Variants in PTPN4 observed in about 807,000 individuals in gnomAD.
PTPN4 encodes protein tyrosine phosphatase non-receptor type 4.
Under a neutral mutation model 135.5 loss-of-function variants are expected in PTPN4, and 49 were observed. That is an observed-to-expected ratio of 0.36 (90% confidence interval 0.29 to 0.46). The LOEUF (loss-of-function observed/expected upper bound fraction) is 0.46. Ranked by LOEUF, PTPN4 falls within the 20% of genes least tolerant of loss-of-function variation. PTPN4 has a pLI of 1.00. For missense variants in PTPN4, 860 were observed against 1,101.0 expected, an observed-to-expected ratio of 0.78 and a Z score of 3.10; for synonymous variants, 333 against 369.9, an observed-to-expected ratio of 0.90 and a Z score of 1.14.
At chr2:119,925,161 C>CTTGGGATGATAAAT (rs1678802929) in intron 12 of PTPN4, among the ~76,000 whole-genome samples, 2 of 152,164 alleles carry the variant, frequency 1.3e-5, no homozygotes, top group African/African-American at 4.8e-5. Context: ...ACAGGATGCT[C>CTTGGGATGATAAAT]TTTCTCACTA....
intron 12 of PTPN4, among the ~76,000 whole-genome samples, chr2:119,921,049 G>A (rs887096935): frequency 6.6e-6 from 1 of 152,142 alleles, no homozygotes; most frequent in Non-Finnish European, 1.5e-5. Context: ...GGGAGGCCGA[G>A]GCAGGCGGAT....
intron 1 of PTPN4, among the ~76,000 whole-genome samples, chr2:119,764,560 G>A (rs1236152106): frequency 6.6e-6 from 1 of 151,814 alleles, no homozygotes; most frequent in Non-Finnish European, 1.5e-5. Context: ...CACTCACAAG[G>A]ATCAGTTAAT....
At chr2:119,841,003 A>G (rs901425173) in intron 2 of PTPN4, among the ~76,000 whole-genome samples, 3 of 152,040 alleles carry the variant, frequency 2.0e-5, no homozygotes, top group Non-Finnish European at 2.9e-5. Context: ...AGATTGCAGA[A>G]ATATTCTCCC....
intron 16 of PTPN4, among the ~76,000 whole-genome samples, chr2:119,945,984 T>A (rs1679127577): frequency 6.6e-6 from 1 of 152,124 alleles, no homozygotes; most frequent in Non-Finnish European, 1.5e-5. Flanking sequence ...GAAGTATCAT[T>A]TGAATTCATG....
rs534332416 is a variant in PTPN4, at chr2:119,861,223, G to A, written c.139-1313G>A. 3.3e-5 allele frequency among the ~76,000 whole-genome samples: 5 copies of A among 152,126 alleles called. No individual in the cohort carries two copies. In the East Asian group the frequency reaches 9.7e-4, roughly 29 times the overall value. ...CTCACTTTATACCAACCCATTTGTG[G>A]TAATTAATCTAGTACTGTGATAGTG... On this transcript the variant is annotated intron_variant, in intron 2 of 26. Coordinates refer to ENST00000263708, the MANE Select transcript of PTPN4 (RefSeq NM_002830.4).
chr2:119,824,494 C>T lies in PTPN4; in HGVS notation c.138+14503C>T, dbSNP rs969873039. ...GTGTTTTTATATCTTTGCTGCTTTT[C>T]TTTTAACTTTGTTCTATCAATTATC... On this transcript the variant is annotated intron_variant, in intron 2 of 26. Transcript: ENST00000263708. Among the ~76,000 whole-genome samples the T allele has an allele frequency of 1.2e-4, 19 of 152,136 alleles. 1 individual carries two copies. Among genetic ancestry groups the T allele is most frequent in the Non-Finnish European group, 2.9e-5 (2 of 68,018 alleles).
At chr2:119,828,283 CTG>C (rs1433967794) in intron 2 of PTPN4, among the ~76,000 whole-genome samples, 3 of 152,264 alleles carry the variant, frequency 2.0e-5, no homozygotes, top group Non-Finnish European at 2.9e-5. Flanking sequence ...TGCTGTCTAA[CTG>C]TAGCCACAAG....
At position 119,764,269 on chromosome 2, in the gene PTPN4, T is replaced by C. The variant is rs189742942; in HGVS notation, c.-18+3885T>C. On this transcript the variant is annotated intron_variant, in intron 1 of 26. Transcript: ENST00000263708. ...TTTATGATGGAACAAAGTTTGAATC[T>C]TTAAAGGCCATATTTTAACATGCCA... Among the ~76,000 whole-genome samples, 253 of 152,354 alleles carry C rather than the reference T, an allele frequency of 1.7e-3. 7 individuals are homozygous for C. In the Middle Eastern group the frequency reaches 0.017, roughly 10 times the overall value.
chr2:119,829,834 G>A (rs1677194758), intron 2 of PTPN4, among the ~76,000 whole-genome samples: 1 of 152,120 alleles, frequency 6.6e-6, no homozygotes, highest in Non-Finnish European at 1.5e-5. Flanking sequence ...TCTATACCTA[G>A]GAGGAGCATT....
intron 15 of PTPN4, among the ~76,000 whole-genome samples, chr2:119,935,684 G>T (rs1678972299): frequency 1.3e-5 from 2 of 152,128 alleles, no homozygotes; most frequent in Non-Finnish European, 2.9e-5. Context: ...GCAAGAAATA[G>T]GATTGATGGG....
At position 119,920,218 on chromosome 2, in the gene PTPN4, A is replaced by G; in HGVS notation, c.978A>G (p.Thr326=). The G allele has an allele frequency of 6.2e-7, 1 of 1,611,596 alleles. No homozygotes were observed. Among genetic ancestry groups the G allele is most frequent in the Non-Finnish European group, 8.5e-7 (1 of 1,178,884 alleles). ...AGAATTTTTTTGCACATTATTTTAC[A>G]TTAGGTTCAAAATTCCGGTACTGGT... ...PQKNFFAHYF[T]LGSKFRYCGR... is the part of the protein sequence containing the mutation. The change falls in exon 12 of 27, where the codon ACA becomes ACG. Residue 326 remains threonine, a synonymous_variant. Coordinates refer to ENST00000263708, the MANE Select transcript of PTPN4 (RefSeq NM_002830.4).
At chr2:119,950,389 G>A (rs1336323407) in intron 18 of PTPN4, among the ~76,000 whole-genome samples, 9 of 152,168 alleles carry the variant, frequency 5.9e-5, no homozygotes, top group East Asian at 5.8e-4. Context: ...AAATTTGAAC[G>A]TTCCAGATTT....
intron 18 of PTPN4, among the ~76,000 whole-genome samples, chr2:119,947,924 C>T (rs920474452): frequency 2.0e-5 from 3 of 151,988 alleles, no homozygotes; most frequent in African/African-American, 7.2e-5. Flanking sequence ...GCTCAGTAGC[C>T]CACAGGGACC....
At chr2:119,777,937 T>C (rs966412665) in intron 1 of PTPN4, among the ~76,000 whole-genome samples, 9 of 152,090 alleles carry the variant, frequency 5.9e-5, no homozygotes, top group Non-Finnish European at 1.2e-4. Flanking sequence ...ATTATAGATG[T>C]GAGCTACTGT....
intron 15 of PTPN4, among the ~76,000 whole-genome samples, chr2:119,943,084 C>G (rs961887212): frequency 7.2e-5 from 11 of 152,218 alleles, no homozygotes; most frequent in Admixed American, 2.6e-4. Flanking sequence ...TTGCTGTTCA[C>G]TTGCTTCTTT....
chr2:119,878,263 G>C (rs1371436834), intron 5 of PTPN4, among the ~76,000 whole-genome samples: 1 of 152,130 alleles, frequency 6.6e-6, no homozygotes, highest in African/African-American at 2.4e-5. Flanking sequence ...AATACCAACA[G>C]TGTAGTAACT....
intron 1 of PTPN4, among the ~76,000 whole-genome samples, chr2:119,794,041 T>A (rs1691206083): frequency 6.6e-6 from 1 of 151,460 alleles, no homozygotes; most frequent in Non-Finnish European, 1.5e-5. Flanking sequence ...AGAGATGGGG[T>A]TTTGCCATAT....
intron 3 of PTPN4, among the ~76,000 whole-genome samples, chr2:119,871,625 A>G (rs538581542): frequency 6.6e-6 from 1 of 152,148 alleles, no homozygotes; most frequent in Middle Eastern, 3.4e-3. Flanking sequence ...AACAGAGGCT[A>G]CCTCTTTGGA....
chr2:119,955,079 G>T (rs1450646140), intron 19 of PTPN4, 78 bp from the exon 20 acceptor site: 2 of 1,266,930 alleles, frequency 1.6e-6, no homozygotes, highest in Non-Finnish European at 1.1e-6. Flanking sequence ...ACATTATACA[G>T]TGTATCTGGT....
Sources: allele counts gnomAD v4.1 joint callset (sites outside exome capture counted in the v4.1 genomes callset), GRCh38; gene constraint gnomAD v4.1.1; transcripts MANE v1.5; gene names NCBI Gene and HGNC (gene_info 2026-07-23, HGNC 2026-07-21).